RGS6: variants seen among roughly 807,000 people sequenced by gnomAD.
The protein encoded by RGS6 is regulator of G protein signaling 6.
Under a neutral mutation model 78.5 loss-of-function variants are expected in RGS6, and 30 were observed. The ratio of observed to expected loss-of-function variants is 0.38; its 90% CI spans 0.29 to 0.52. RGS6 has a LOEUF of 0.52. Ranked by LOEUF, RGS6 falls within the 20% of genes least tolerant of loss-of-function variation. The pLI is 0.85. For missense variants in RGS6, 495 were observed against 609.7 expected, an observed-to-expected ratio of 0.81 and a Z score of 1.98; for synonymous variants, 206 against 206.0, an observed-to-expected ratio of 1.00 and a Z score of 0.00.
intron 2 of RGS6, among the ~76,000 whole-genome samples, chr14:72,070,181 A>G (rs915819815): frequency 6.6e-6 from 1 of 151,390 alleles, no homozygotes. Context: ...TAAGGGAGAG[A>G]ATTTGCTAAT....
intron 2 of RGS6, among the ~76,000 whole-genome samples, chr14:72,306,548 G>A (rs2067284695): frequency 6.6e-6 from 1 of 152,174 alleles, no homozygotes; most frequent in African/African-American, 2.4e-5. Flanking sequence ...TTGATTTCTG[G>A]GAGGAGGCCA....
chr14:72,312,556 ATTTC>A (rs1372323818), intron 2 of RGS6, among the ~76,000 whole-genome samples: 1 of 152,176 alleles, frequency 6.6e-6, no homozygotes, highest in African/African-American at 2.4e-5. Flanking sequence ...TTGGGAATTA[ATTTC>A]TTTATTTGTC....
intron 2 of RGS6, among the ~76,000 whole-genome samples, chr14:72,047,895 TTTG>T (rs551316164): frequency 0.23 from 10,548 of 45,730 alleles, 980 homozygotes; most frequent in East Asian, 0.59. Flanking sequence ...CCAGCTAATT[TTTG>T]TTTTTTTTTT....
chr14:71,960,375 A>G (rs551753057), intron 1 of RGS6, among the ~76,000 whole-genome samples: 1 of 152,186 alleles, frequency 6.6e-6, no homozygotes, highest in Non-Finnish European at 1.5e-5. Flanking sequence ...GATGCTATAC[A>G]TGGGTCTTTG....
the RGS6 span, among the ~76,000 whole-genome samples, chr14:71,899,081 C>T: frequency 2.6e-5 from 4 of 152,178 alleles, no homozygotes; most frequent in East Asian, 3.9e-4. Flanking sequence ...GGCTGGCTTT[C>T]CAAATAGTAA....
intron 2 of RGS6, among the ~76,000 whole-genome samples, chr14:72,212,979 A>G (rs1348566047): frequency 1.3e-5 from 2 of 152,178 alleles, no homozygotes. Flanking sequence ...CCCACCTGTC[A>G]AGTCTCTACA....
At chr14:72,180,890 C>T (rs1302873184) in intron 2 of RGS6, among the ~76,000 whole-genome samples, 1 of 152,226 alleles carries the variant, frequency 6.6e-6, no homozygotes, top group East Asian at 1.9e-4. Context: ...GATGCCTGTG[C>T]CATGCTCTTG....
chr14:72,496,036 T>C (rs999189496), intron 13 of RGS6, among the ~76,000 whole-genome samples: 4 of 152,240 alleles, frequency 2.6e-5, no homozygotes, highest in African/African-American at 7.2e-5. Context: ...TCACATTGTC[T>C]TTCACTTTTG....
At chr14:71,966,059 T>C (rs2093491019) in intron 2 of RGS6, among the ~76,000 whole-genome samples, 1 of 152,228 alleles carries the variant, frequency 6.6e-6, no homozygotes, top group Admixed American at 6.5e-5. Context: ...ATGCTGAATT[T>C]GACATAATTG....
At chr14:72,574,557 G>A in the RGS6 span, among the ~76,000 whole-genome samples, 5,875 of 152,294 alleles carry the variant, frequency 0.039, 336 homozygotes, top group African/African-American at 0.13. Context: ...GATTGGCCAC[G>A]TGGCAGGTGT....
At position 72,502,981 on chromosome 14, in the gene RGS6, A is replaced by G. The variant is rs138187184; in HGVS notation, c.966-7173A>G. On this transcript the variant is annotated intron_variant, in intron 13 of 17. Transcript: ENST00000553525. Reference sequence around the variant, plus strand: ...CTTGTCTTAGTCTGTTCAGGCTGCTACAGCAAAAATGCCATATACTATGTG... The same window carrying G: ...CTTGTCTTAGTCTGTTCAGGCTGCTGCAGCAAAAATGCCATATACTATGTG... 9.7e-3 allele frequency among the ~76,000 whole-genome samples: 1,470 copies of G among 152,302 alleles called. 24 individuals are homozygous for G. The highest frequency in any genetic ancestry group is 0.034 in the African/African-American group (1,393 of 41,550).
chr14:72,492,201 A>T (rs987178737), intron 12 of RGS6, among the ~76,000 whole-genome samples: 1 of 152,234 alleles, frequency 6.6e-6, no homozygotes, highest in Non-Finnish European at 1.5e-5. Context: ...TCAGTTTCAC[A>T]TGACACAGAA....
intron 2 of RGS6, among the ~76,000 whole-genome samples, chr14:72,161,417 G>C (rs1450369625): frequency 2.0e-5 from 3 of 152,146 alleles, no homozygotes; most frequent in African/African-American, 7.2e-5. Flanking sequence ...GGAGGTGATG[G>C]TAATAGGCAC....
intron 2 of RGS6, among the ~76,000 whole-genome samples, chr14:72,208,892 A>C (rs565911456): frequency 2.9e-4 from 44 of 152,344 alleles, no homozygotes; most frequent in African/African-American, 7.0e-4. Context: ...GTCTATTACT[A>C]TACTTCCAAG....
At chr14:72,582,514 C>T in the RGS6 span, among the ~76,000 whole-genome samples, 1 of 152,170 alleles carries the variant, frequency 6.6e-6, no homozygotes, top group African/African-American at 2.4e-5. Flanking sequence ...GGCAGAATCA[C>T]ACATACAAAA....
chr14:72,554,360 C>A (rs947837667), intron 17 of RGS6, among the ~76,000 whole-genome samples: 2 of 152,254 alleles, frequency 1.3e-5, no homozygotes, highest in African/African-American at 4.8e-5. Context: ...AAATAACTTT[C>A]TCTTGCCGCT....
At chr14:72,010,901 C>G (rs2085542186) in intron 2 of RGS6, among the ~76,000 whole-genome samples, 1 of 152,190 alleles carries the variant, frequency 6.6e-6, no homozygotes, top group African/African-American at 2.4e-5. Context: ...TGACCAATTG[C>G]TTTTGTTCTG....
intron 17 of RGS6, among the ~76,000 whole-genome samples, chr14:72,542,653 T>C (rs1051791779): frequency 7.2e-5 from 11 of 152,334 alleles, no homozygotes; most frequent in Middle Eastern, 3.4e-3. Context: ...TTAGGATTAA[T>C]TGATGGCAAA....
intron 3 of RGS6, among the ~76,000 whole-genome samples, chr14:72,423,781 A>G (rs2094314906): frequency 1.3e-5 from 2 of 152,236 alleles, no homozygotes; most frequent in Admixed American, 6.5e-5. Context: ...CATGCAATTT[A>G]TACATATAAC....
Sources: allele counts gnomAD v4.1 joint callset (sites outside exome capture counted in the v4.1 genomes callset), GRCh38; gene constraint gnomAD v4.1.1; transcripts MANE v1.5; gene names NCBI Gene and HGNC (gene_info 2026-07-23, HGNC 2026-07-21).